SESTD1: variants seen among roughly 807,000 people sequenced by gnomAD.
The protein encoded by SESTD1 is SEC14 and spectrin domain containing 1.
Under a neutral mutation model 101.7 loss-of-function variants are expected in SESTD1, and 43 were observed. The observed-to-expected ratio is 0.42, with a 90% CI of 0.33 to 0.55. SESTD1 has a LOEUF of 0.55. SESTD1 is among the 20% of genes least tolerant of loss of function. SESTD1 has a pLI of 0.07. For synonymous variants in SESTD1, 283 were observed against 286.8 expected (o/e 0.99, Z 0.13); for missense variants, 647 against 815.1 (o/e 0.79, Z 2.51).
chr2:179,133,743 T>TA (rs939276326), intron 9 of SESTD1, among the ~76,000 whole-genome samples: 21 of 152,254 alleles, frequency 1.4e-4, no homozygotes, highest in Admixed American at 5.9e-4. Flanking sequence ...TTTACCAGGT[T>TA]AAAAAAATAT....
rs113784483 is a variant in SESTD1 at position 179,195,980 on chromosome 2, G to A, written c.-25-4114C>T. ...AAGATGGCCGAATAGGAACAGCTCCGGTCTACAGCCCCCAGCATGAACGAC... is the reference window on the plus strand; with the variant it reads ...AAGATGGCCGAATAGGAACAGCTCCAGTCTACAGCCCCCAGCATGAACGAC... On this transcript the variant is annotated intron_variant, in intron 1 of 17. Coordinates refer to ENST00000428443, the MANE Select transcript of SESTD1 (RefSeq NM_178123.5). Among the ~76,000 whole-genome samples the A allele has an allele frequency of 9.2e-5, 14 of 152,190 alleles. 1 individual carries two copies. The highest frequency in any genetic ancestry group is 3.4e-3 in the Middle Eastern group (1 of 294).
At chr2:179,176,153 T>C (rs1430816299) in intron 4 of SESTD1, among the ~76,000 whole-genome samples, 4 of 152,208 alleles carry the variant, frequency 2.6e-5, no homozygotes, top group Non-Finnish European at 5.9e-5. Flanking sequence ...GTGAGTCTCA[T>C]CATTTCAATG....
intron 4 of SESTD1, chr2:179,174,300 T>C (rs1359837763): frequency 5.3e-6 from 2 of 378,112 alleles, no homozygotes; most frequent in South Asian, 2.1e-5. Context: ...AAAAAGGCCA[T>C]TGCAACTTCT....
chr2:179,111,085 G>A (rs1281574537), intron 17 of SESTD1, among the ~76,000 whole-genome samples: 2 of 152,152 alleles, frequency 1.3e-5, no homozygotes, highest in East Asian at 3.9e-4. Context: ...AACTGGCTGT[G>A]AAATGTAGGA....
At chr2:179,160,600 A>T (rs931210816) in intron 5 of SESTD1, among the ~76,000 whole-genome samples, 1 of 152,064 alleles carries the variant, frequency 6.6e-6, no homozygotes, top group Non-Finnish European at 1.5e-5. Context: ...ATTCTAACCT[A>T]AAGATAAACC....
At chr2:179,218,549 A>G (rs186190356) in intron 1 of SESTD1, among the ~76,000 whole-genome samples, 1 of 146,374 alleles carries the variant, frequency 6.8e-6, no homozygotes, top group African/African-American at 2.5e-5. Context: ...ACCTTCAACC[A>G]AAAGCAAGAA....
rs1376358326 is a variant in SESTD1 at position 179,103,540 on chromosome 2, TATCAATA to T, written c.*6352_*6358del. ...CAATCCTGGAAACAGCCCAGGTATC[TATCAATA>T]ATAGGAAATTAAGAAAACAAACTGT... On this transcript the variant is annotated 3_prime_UTR_variant, in exon 18 of 18. Coordinates refer to ENST00000428443, the MANE Select transcript of SESTD1 (RefSeq NM_178123.5). The T allele has an allele frequency of 1.3e-5, 2 of 152,100 alleles. No individual in the cohort carries two copies. Among genetic ancestry groups the T allele is most frequent in the Non-Finnish European group, 2.9e-5 (2 of 68,014 alleles). The allele number at this position is 152,100 out of a possible 1,614,324, so 9.4% of individuals were successfully genotyped here.
intron 5 of SESTD1, among the ~76,000 whole-genome samples, chr2:179,153,479 T>C (rs1309018435): frequency 6.6e-6 from 1 of 152,152 alleles, no homozygotes; most frequent in Non-Finnish European, 1.5e-5. Context: ...TCATTTTAAA[T>C]GAACACACAC....
At chr2:179,259,774 A>G (rs928306663) in intron 1 of SESTD1, among the ~76,000 whole-genome samples, 1 of 152,250 alleles carries the variant, frequency 6.6e-6, no homozygotes, top group African/African-American at 2.4e-5. Flanking sequence ...ATTACATGCT[A>G]GAAACTAATG....
chr2:179,188,423 A>T (rs1460657125), intron 2 of SESTD1, among the ~76,000 whole-genome samples: 1 of 152,208 alleles, frequency 6.6e-6, no homozygotes, highest in East Asian at 1.9e-4. Context: ...GAGTCACTTG[A>T]GCTCATGAAT....
At chr2:179,133,256 C>A (rs529285325) in intron 9 of SESTD1, among the ~76,000 whole-genome samples, 1 of 152,104 alleles carries the variant, frequency 6.6e-6, no homozygotes, top group Non-Finnish European at 1.5e-5. Flanking sequence ...CAGGACTATG[C>A]CCATTATGAG....
rs2044661748 is a variant in SESTD1, at chr2:179,117,606, C to T, written c.1450G>A (p.Asp484Asn). The change falls in exon 14 of 18, where the codon GAC becomes AAC. Residue 484 changes from aspartate to asparagine, a missense_variant. Asp to Asn is a conservative substitution (Grantham distance 23). Transcript: ENST00000428443. Reference sequence around the variant, plus strand: ...TTTAACCTTCGCACATCTACCATGTCTTCACATCTAATGAACCCAAACATA... The same window carrying T: ...TTTAACCTTCGCACATCTACCATGTTTTCACATCTAATGAACCCAAACATA... The part of the protein sequence containing the change: ...DMQLRKQRCE[D>N]MVDVRRLKML... The T allele has an allele frequency of 6.4e-7, 1 of 1,569,964 alleles. No homozygotes were observed.
intron 1 of SESTD1, among the ~76,000 whole-genome samples, chr2:179,217,817 C>G (rs867451827): frequency 2.0e-5 from 3 of 152,182 alleles, no homozygotes; most frequent in Admixed American, 2.0e-4. Context: ...AGGATGAGTT[C>G]ATGTCCTTTG....
At chr2:179,142,002 C>T (rs2045289742) in intron 9 of SESTD1, among the ~76,000 whole-genome samples, 1 of 152,140 alleles carries the variant, frequency 6.6e-6, no homozygotes, top group Admixed American at 6.5e-5. Context: ...CAACTCCTTC[C>T]TTCCTTCCTT....
At chr2:179,203,515 A>G (rs529617136) in intron 1 of SESTD1, among the ~76,000 whole-genome samples, 1 of 133,786 alleles carries the variant, frequency 7.5e-6, no homozygotes, top group Non-Finnish European at 1.6e-5. Context: ...CAGAGAGGCC[A>G]TGGAAGGTCC....
intron 1 of SESTD1, among the ~76,000 whole-genome samples, chr2:179,219,782 G>A (rs1024358700): frequency 3.3e-5 from 5 of 152,174 alleles, no homozygotes; most frequent in African/African-American, 4.8e-5. Context: ...ATTGACAGTT[G>A]TAGAGGAAAC....
At chr2:179,117,974 GGAT>G (rs778882881) in intron 13 of SESTD1, among the ~76,000 whole-genome samples, 6 of 152,144 alleles carry the variant, frequency 3.9e-5, no homozygotes, top group African/African-American at 9.6e-5. Flanking sequence ...CTCAAATACA[GGAT>G]GATATTTTTT....
At chr2:179,120,004 G>T (rs1282673133) in intron 13 of SESTD1, among the ~76,000 whole-genome samples, 1 of 152,088 alleles carries the variant, frequency 6.6e-6, no homozygotes, top group African/African-American at 2.4e-5. Context: ...GCCAAAGTGG[G>T]CGGATCACGA....
At chr2:179,208,018 T>C (rs2046610465) in intron 1 of SESTD1, among the ~76,000 whole-genome samples, 1 of 133,196 alleles carries the variant, frequency 7.5e-6, no homozygotes, top group Admixed American at 7.3e-5. Flanking sequence ...GAAATAGATA[T>C]CATAAAGAAA....
Sources: gnomAD v4.1 joint callset for allele counts (sites outside exome capture counted in the v4.1 genomes callset) on GRCh38, gnomAD v4.1.1 for gene constraint, MANE v1.5 for transcripts, NCBI Gene and HGNC (gene_info 2026-07-23, HGNC 2026-07-21) for gene names.